The following TM9SF4 variants were observed in gnomAD, a reference collection of about 807,000 sequenced individuals.
TM9SF4 encodes dinucleotide oxidase disulfide thiol exchanger 3 superfamily member 4.
TM9SF4 carries 26 observed loss-of-function variants against 90.4 expected under a neutral mutation model. That is an observed-to-expected ratio of 0.29 (90% CI 0.21 to 0.40). TM9SF4 has a LOEUF of 0.40. Among genes scored for constraint, TM9SF4 ranks in the 10% least tolerant of loss-of-function variants. TM9SF4 has a pLI of 1.00. For synonymous variants in TM9SF4, 293 were observed against 315.4 expected (o/e 0.93, Z 0.75); for missense variants, 549 against 834.8 (o/e 0.66, Z 4.22).
chr20:32,124,674 C>G (rs943688710), intron 1 of TM9SF4, among the ~76,000 whole-genome samples: 1 of 152,098 alleles, frequency 6.6e-6, no homozygotes, highest in African/African-American at 2.4e-5. Flanking sequence ...GCAACCTCTG[C>G]CTCCCAGGTT....
rs1332602661 is a variant in TM9SF4 at position 32,158,076 on chromosome 20, C to T, written c.1505+107C>T. 5.6e-6 allele frequency: 8 copies of T among 1,436,092 alleles called. No individual in the cohort carries two copies. The African/African-American group carries it at 5.7e-5, about 10-fold the overall frequency. 89.0% of individuals were successfully genotyped at this position (1,436,092 alleles called of 1,614,324 possible). A position where few individuals can be genotyped will look rare whatever the true frequency, so the allele number is the denominator to read the frequency against. ...AGAGTTCCTGCCGCTTCAGCCGGCT[C>T]TAATAGAGTTTATGAAAGCTTAACT... On this transcript the variant is annotated intron_variant, in intron 14 of 17. Transcript: ENST00000398022.
chr20:32,160,122 C>T lies in TM9SF4; in HGVS notation c.1689+11C>T, dbSNP rs1336997059. Reference sequence around the variant, plus strand: ...CAGCTGTGTGCAGAGGTGAGGAGAGCAGGGCCAGGAGGCGGGGGAGGGAGA... The same window carrying T: ...CAGCTGTGTGCAGAGGTGAGGAGAGTAGGGCCAGGAGGCGGGGGAGGGAGA... On this transcript the variant is annotated intron_variant, in intron 16 of 17. Coordinates refer to ENST00000398022, the MANE Select transcript of TM9SF4 (RefSeq NM_014742.4). The T allele has an allele frequency of 8.1e-6, 13 of 1,613,974 alleles. No individual in the cohort carries two copies. Among genetic ancestry groups the T allele is most frequent in the Non-Finnish European group, 9.3e-6 (11 of 1,179,942 alleles).
chr20:32,138,150 G>A (rs748583644), intron 3 of TM9SF4, among the ~76,000 whole-genome samples: 5 of 152,162 alleles, frequency 3.3e-5, no homozygotes, highest in Non-Finnish European at 5.9e-5. Context: ...TTCTGTTGTC[G>A]CAGGCTGCCT....
intron 10 of TM9SF4, 69 bp downstream of exon 10, chr20:32,149,835 G>C: frequency 1.3e-6 from 2 of 1,588,754 alleles, no homozygotes; most frequent in Non-Finnish European, 8.6e-7. Flanking sequence ...AGGAGAGAAG[G>C]GTGGGCTTCC....
At chr20:32,151,597 T>C (rs959261610) in intron 12 of TM9SF4, among the ~76,000 whole-genome samples, 12 of 152,190 alleles carry the variant, frequency 7.9e-5, no homozygotes, top group Non-Finnish European at 1.5e-4. Context: ...TGGCACAAAG[T>C]AAGCCCTCGG....
At chr20:32,159,199 G>C (rs1033935987) in intron 15 of TM9SF4, 2 of 152,238 alleles carry the variant, frequency 1.3e-5, no homozygotes, top group Admixed American at 6.5e-5. Flanking sequence ...AATGATTCCT[G>C]CTTGTCAGGG....
At chr20:32,130,419 G>T (rs896151514) in intron 1 of TM9SF4, among the ~76,000 whole-genome samples, 9 of 152,154 alleles carry the variant, frequency 5.9e-5, no homozygotes, top group Non-Finnish European at 1.3e-4. Flanking sequence ...TGGTTAACTG[G>T]AATTCAGGAA....
intron 5 of TM9SF4, among the ~76,000 whole-genome samples, chr20:32,142,192 G>A (rs188094858): frequency 7.2e-5 from 11 of 152,152 alleles, no homozygotes; most frequent in South Asian, 2.1e-4. Context: ...GGTCAAGAGC[G>A]TGCAGGCTCC....
intron 5 of TM9SF4, among the ~76,000 whole-genome samples, chr20:32,142,127 A>AT (rs1448356622): frequency 1.3e-5 from 2 of 151,908 alleles, no homozygotes; most frequent in African/African-American, 4.8e-5. Flanking sequence ...TTAAAACAAC[A>AT]TAAAAAAAAA....
chr20:32,139,141 C>T (rs1022692176), intron 3 of TM9SF4, among the ~76,000 whole-genome samples: 1 of 152,228 alleles, frequency 6.6e-6, no homozygotes, highest in Admixed American at 6.5e-5. Flanking sequence ...GCATTGCTTG[C>T]CAGGGCCGCT....
At chr20:32,119,436 G>A (rs774833657) in intron 1 of TM9SF4, among the ~76,000 whole-genome samples, 17 of 152,184 alleles carry the variant, frequency 1.1e-4, no homozygotes, top group Non-Finnish European at 2.1e-4. Flanking sequence ...ATTGACAAAT[G>A]ATATTAAATA....
chr20:32,146,769 C>T lies in TM9SF4; in HGVS notation c.884-16C>T, dbSNP rs1368930905. 6.2e-7 allele frequency: 1 copy of T among 1,613,826 alleles called. No individual in the cohort carries two copies. On this transcript the variant is annotated splice_polypyrimidine_tract_variant and intron_variant, in intron 8 of 17. Transcript: ENST00000398022. ...CAGCGCCAACTTCTCCTCATCCTCA[C>T]CGCCATCTATTTCAGGTATCCTGAG...
At chr20:32,145,259 G>T (rs2046746932) in intron 7 of TM9SF4, 50 bp downstream of exon 7, 1 of 1,613,440 alleles carries the variant, frequency 6.2e-7, no homozygotes, top group Non-Finnish European at 8.5e-7. Context: ...TCTGGTCTGT[G>T]TCAGGTTCTC....
chr20:32,141,889 C>A lies in TM9SF4; in HGVS notation c.522C>A (p.Val174=). Residue 174 remains valine, a synonymous_variant, in exon 5 of 18, where the codon GTC becomes GTA. Transcript: ENST00000398022. ...GCTACCGGCTCGGCTTCACAGATGT[C>A]AACAAGGTAGAGTGTCTTTGGCGTG... ...EHGYRLGFTD[V]NKIYLHNHLS... is the part of the protein sequence containing the mutation. 1 of 1,613,996 alleles carries A rather than the reference C, an allele frequency of 6.2e-7. No individual in the cohort carries two copies. The highest frequency in any genetic ancestry group is 1.1e-5 in the South Asian group (1 of 90,996).
At chr20:32,113,060 G>A (rs1018327692) in intron 1 of TM9SF4, among the ~76,000 whole-genome samples, 2 of 152,260 alleles carry the variant, frequency 1.3e-5, no homozygotes, top group East Asian at 3.9e-4. Flanking sequence ...TTGGGGCGAG[G>A]GGGTGCGGTA....
chr20:32,144,055 C>T (rs975705648), intron 6 of TM9SF4, among the ~76,000 whole-genome samples: 1 of 152,184 alleles, frequency 6.6e-6, no homozygotes, highest in Admixed American at 6.5e-5. Flanking sequence ...AAGCAATTCT[C>T]CTGCCTCAGC....
Position 32,134,823 on chromosome 20 carries a change from C to G in TM9SF4, c.130-1251C>G, listed in dbSNP as rs546172428. On this transcript the variant is annotated intron_variant, in intron 2 of 17. Coordinates refer to ENST00000398022, the MANE Select transcript of TM9SF4 (RefSeq NM_014742.4). Reference sequence around the variant, plus strand: ...GAGTAGCTGGGATTATAGGTGCACACCACCATGCCCAGCCGATTTTTGCAT... The same window carrying G: ...GAGTAGCTGGGATTATAGGTGCACAGCACCATGCCCAGCCGATTTTTGCAT... 7.9e-5 allele frequency among the ~76,000 whole-genome samples: 12 copies of G among 152,206 alleles called. No homozygotes were observed. The South Asian group carries it at 2.5e-3, about 32-fold the overall frequency.
chr20:32,140,524 C>T (rs547853375), intron 3 of TM9SF4, among the ~76,000 whole-genome samples: 2 of 152,300 alleles, frequency 1.3e-5, no homozygotes, highest in South Asian at 4.1e-4. Flanking sequence ...CAAAGTAAAT[C>T]CTTGACATAG....
At chr20:32,134,023 A>G (rs569152226) in intron 2 of TM9SF4, among the ~76,000 whole-genome samples, 1 of 150,318 alleles carries the variant, frequency 6.7e-6, no homozygotes, top group African/African-American at 2.5e-5. Context: ...TATGTTGCAC[A>G]GGCTGGTCTT....
Sources: allele counts gnomAD v4.1 joint callset (sites outside exome capture counted in the v4.1 genomes callset), GRCh38; gene constraint gnomAD v4.1.1; transcripts MANE v1.5; gene names NCBI Gene and HGNC (gene_info 2026-07-23, HGNC 2026-07-21).